Variants in INSRR observed in about 807,000 individuals in gnomAD.
INSRR encodes the protein insulin receptor related receptor.
Under a neutral mutation model 130.0 loss-of-function variants are expected in INSRR, and 114 were observed. That is an observed-to-expected ratio of 0.88 (90% CI 0.75 to 1.02). The LOEUF (loss-of-function observed/expected upper bound fraction) is 1.02. Ranked by LOEUF, INSRR falls within the 50% of genes least tolerant of loss-of-function variation. The probability of loss-of-function intolerance (pLI) is 0.00; values close to 1 mark genes in which losing one functional copy is unlikely to be tolerated. For synonymous variants in INSRR, 674 were observed against 705.2 expected (o/e 0.96, Z 0.70); for missense variants, 1,657 against 1,735.2 (o/e 0.95, Z 0.80).
intron 9 of INSRR, 67 bp downstream of exon 9, chr1:156,845,885 G>A: frequency 6.3e-7 from 1 of 1,598,162 alleles, no homozygotes; most frequent in Non-Finnish European, 8.5e-7. Context: ...CACCTGCCGG[G>A]GCCCTGCGCC....
Position 156,849,445 on chromosome 1 carries a change from G to C in INSRR, c.1245C>G (p.Tyr415Ter). The change falls in exon 6 of 22, where the codon TAC becomes TAG. Residue 415 changes from tyrosine to a stop codon, truncating the protein, a stop_gained. Transcript: ENST00000368195. LOFTEE classifies it high-confidence loss of function. ...DAMVDGNYTLYVLDNQNLQQL... is the reference protein window; with the variant it reads ...DAMVDGNYTL ...GTTGTAGGTTCTGGTTGTCCAGCAC[G>C]TAGAGAGTGTAGTTCCTGGGGGAGG... 2 of 1,401,332 alleles carry C rather than the reference G, an allele frequency of 1.4e-6. No homozygotes were observed. The highest frequency in any genetic ancestry group is 2.3e-5 in the South Asian group (2 of 88,596). The allele number at this position is 1,401,332 out of a possible 1,614,324, so 86.8% of individuals were successfully genotyped here.
At chr1:156,853,644 A>G (rs1378891567) in intron 2 of INSRR, 108 bp downstream of exon 2, 2 of 1,135,994 alleles carry the variant, frequency 1.8e-6, no homozygotes, top group African/African-American at 1.6e-5. Flanking sequence ...TGAGGATTAA[A>G]AAACAGTGGC....
chr1:156,855,761 G>C (rs1655387146), intron 1 of INSRR, among the ~76,000 whole-genome samples: 1 of 152,114 alleles, frequency 6.6e-6, no homozygotes, highest in South Asian at 2.1e-4. Context: ...GAAGGTCAAG[G>C]CTGCAGTGAG....
At chr1:156,842,563 C>G in intron 17 of INSRR, 55 bp from the exon 18 acceptor site, 1 of 1,391,226 alleles carries the variant, frequency 7.2e-7, no homozygotes, top group Non-Finnish European at 1.0e-6. Context: ...CCCATTTGGC[C>G]AAAATTCTGA....
At position 156,841,104 on chromosome 1, in the gene INSRR, C is replaced by T. The variant is rs943100524; in HGVS notation, c.3663G>A (p.Leu1221=). ...GCCAGCAGCGGCTCATCAGCTCCTG[C>T]CTGGTGGGTGTGGGGAGCAGGGTCA... ...LEELEGCPLQ[L]QELMSRCWQP... Residue 1221 remains leucine, a splice_region_variant and synonymous_variant, in exon 22 of 22, where the codon CTG becomes CTA. Coordinates refer to ENST00000368195, the MANE Select transcript of INSRR (RefSeq NM_014215.3). 3.9e-6 allele frequency: 6 copies of T among 1,556,452 alleles called. No individual in the cohort carries two copies. The highest frequency in any genetic ancestry group is 1.2e-5 in the South Asian group (1 of 84,816).
At chr1:156,853,334 A>G (rs1015985580) in intron 2 of INSRR, among the ~76,000 whole-genome samples, 7 of 152,146 alleles carry the variant, frequency 4.6e-5, no homozygotes, top group African/African-American at 9.7e-5. Flanking sequence ...ATGACACCCA[A>G]TGATCATTTT....
At position 156,842,199 on chromosome 1, in the gene INSRR, C is replaced by A. The variant is rs200688061; in HGVS notation, c.3310G>T (p.Ala1104Ser). Residue 1104 changes from alanine to serine, a missense_variant, in exon 19 of 22, where the codon GCC becomes TCC. Coordinates refer to ENST00000368195, the MANE Select transcript of INSRR (RefSeq NM_014215.3). ...ACAAACTTGTTGGCAGCAAGGTAGG[C>A]CATGCCGTCTGCAATCTCACCAGCC... is the stretch of plus-strand genomic sequence containing the variant. ...QMAGEIADGMAYLAANKFVHR... is the reference protein window; with the variant it reads ...QMAGEIADGMSYLAANKFVHR... 1 of 1,614,076 alleles carries A rather than the reference C, an allele frequency of 6.2e-7. No homozygotes were observed. The highest frequency in any genetic ancestry group is 8.5e-7 in the Non-Finnish European group (1 of 1,180,004).
At position 156,844,284 on chromosome 1, in the gene INSRR, G is replaced by T; in HGVS notation, c.2738-4C>A. On this transcript the variant is annotated splice_polypyrimidine_tract_variant and splice_region_variant and intron_variant, in intron 14 of 21. Transcript: ENST00000368195. ...AGCCCCCCAGCATCCTCCTCCTCTGGCAGTCAGAGGGCAGCAGAGGGTAGA... is the reference window on the plus strand; with the variant it reads ...AGCCCCCCAGCATCCTCCTCCTCTGTCAGTCAGAGGGCAGCAGAGGGTAGA... 1.2e-6 allele frequency: 2 copies of T among 1,606,628 alleles called. No individual in the cohort carries two copies. The highest frequency in any genetic ancestry group is 1.7e-6 in the Non-Finnish European group (2 of 1,173,810).
chr1:156,849,034 G>C lies in INSRR; in HGVS notation c.1458C>G (p.Thr486=), dbSNP rs149673909. ...CCGTCACGTTGGACACGAAGCGCAGGGTGCGAGTCTGGCCTGGGTGGGGCG... is the reference window on the plus strand; with the variant it reads ...CCGTCACGTTGGACACGAAGCGCAGCGTGCGAGTCTGGCCTGGGTGGGGCG... ...NGDRAACQTR[T]LRFVSNVTEA... The change falls in exon 7 of 22, where the codon ACC becomes ACG. Residue 486 remains threonine (T), a synonymous_variant. Transcript: ENST00000368195. 2 of 1,613,378 alleles carry C rather than the reference G, an allele frequency of 1.2e-6. No homozygotes were observed. Among genetic ancestry groups the C allele is most frequent in the Non-Finnish European group, 1.7e-6 (2 of 1,179,898 alleles).
chr1:156,845,544 C>T, intron 10 of INSRR, 75 bp downstream of exon 10: 1 of 1,325,414 alleles, frequency 7.5e-7, no homozygotes, highest in Non-Finnish European at 1.0e-6. Context: ...CCCACAAACC[C>T]CACCCCTCCC....
intron 9 of INSRR, 26 bp from the exon 10 acceptor site, chr1:156,845,840 G>C: frequency 6.2e-7 from 1 of 1,605,904 alleles, no homozygotes; most frequent in Non-Finnish European, 8.5e-7. Flanking sequence ...GAAGACACTA[G>C]TAAGACAGGC....
rs764344570 is a variant in INSRR at position 156,846,104 on chromosome 1, TGGGGCACCGTG to T, written c.1815_1825del (p.Thr606ArgfsTer46). The T allele has an allele frequency of 1.2e-6, 2 of 1,600,396 alleles. No individual in the cohort carries two copies. The highest frequency in any genetic ancestry group is 1.7e-6 in the Non-Finnish European group (2 of 1,173,130). ...GGAGTTGGACGTGGAGATGACGTCT[TGGGGCACCGTG>T]GGAGCTAGGAGTGCGAGAAGGATGC... On this transcript the variant is annotated frameshift_variant, in exon 9 of 22. Transcript: ENST00000368195. LOFTEE classifies it high-confidence loss of function.
At chr1:156,857,157 C>CTGTGTGTG (rs1327364524) in intron 1 of INSRR, among the ~76,000 whole-genome samples, 1 of 121,286 alleles carries the variant, frequency 8.2e-6, no homozygotes, top group African/African-American at 3.3e-5. Context: ...TGCCCAGCAG[C>CTGTGTGTG]TGTGTATGTG....
At chr1:156,857,133 C>T (rs1282973035) in intron 1 of INSRR, among the ~76,000 whole-genome samples, 1 of 149,216 alleles carries the variant, frequency 6.7e-6, no homozygotes, top group African/African-American at 2.5e-5. Context: ...CATTAATGGT[C>T]CTGAGCTTGG....
chr1:156,844,401 T>C (rs1218328005), intron 14 of INSRR, 61 bp downstream of exon 14: 3 of 1,581,104 alleles, frequency 1.9e-6, no homozygotes, highest in Admixed American at 1.7e-5. Context: ...GGGCCTGTGG[T>C]GGGCTGGGGA....
rs780680844 is a variant in INSRR at position 156,845,728 on chromosome 1, G to A, written c.2065C>T (p.Pro689Ser). Residue 689 changes from proline (P) to serine (S), a missense_variant, in exon 10 of 22, where the codon CCT becomes TCT. Pro to Ser is a moderately conservative substitution (Grantham distance 74, BLOSUM62 -1). Coordinates refer to ENST00000368195, the MANE Select transcript of INSRR (RefSeq NM_014215.3). Reference protein sequence around the residue: ...PEAEMESDCCPCQHPPPGQVL... With the variant: ...PEAEMESDCCSCQHPPPGQVL... ...TGACCAGGAGGTGGGTGCTGGCAAG[G>A]GCAGCAGTCGGACTCCATCTCGGCC... 1 of 1,613,854 alleles carries A rather than the reference G, an allele frequency of 6.2e-7. No homozygotes were observed. The highest frequency in any genetic ancestry group is 8.5e-7 in the Non-Finnish European group (1 of 1,179,966).
Position 156,848,910 on chromosome 1 carries a change from C to T in INSRR, c.1571+11G>A, listed in dbSNP as rs767637947. On this transcript the variant is annotated intron_variant, in intron 7 of 21. Coordinates refer to ENST00000368195, the MANE Select transcript of INSRR (RefSeq NM_014215.3). ...TCCCGCCCCCGCTCCGGCCCCGCCC[C>T]CGGCACTCACGACTCCTTGTAGTAC... 8.3e-6 allele frequency: 13 copies of T among 1,559,174 alleles called. No individual in the cohort carries two copies. The highest frequency in any genetic ancestry group is 1.0e-5 in the Non-Finnish European group (12 of 1,151,676).
chr1:156,843,003 C>T lies in INSRR; in HGVS notation c.3126+1G>A. On this transcript the variant is annotated splice_donor_variant, in intron 17 of 21. Coordinates refer to ENST00000368195, the MANE Select transcript of INSRR (RefSeq NM_014215.3). LOFTEE classifies it high-confidence loss of function. ...TGACAATGCCCTTGGCTCTCCCTTACCACATGGTGACACTTGAAGGCTTTC... is the reference window on the plus strand; with the variant it reads ...TGACAATGCCCTTGGCTCTCCCTTATCACATGGTGACACTTGAAGGCTTTC... 5 of 1,610,392 alleles carry T rather than the reference C, an allele frequency of 3.1e-6. No individual in the cohort carries two copies. Among genetic ancestry groups the T allele is most frequent in the Non-Finnish European group, 3.4e-6 (4 of 1,176,768 alleles).
At chr1:156,848,102 TCTCCAGCTG>T (rs146042529) in intron 7 of INSRR, among the ~76,000 whole-genome samples, 3,466 of 152,062 alleles carry the variant, frequency 0.023, 151 homozygotes, top group African/African-American at 0.079. Flanking sequence ...TTTAACAAAC[TCTCCAGCTG>T]CCCACGCTGG....
Sources: allele counts gnomAD v4.1 joint callset (sites outside exome capture counted in the v4.1 genomes callset), GRCh38; gene constraint gnomAD v4.1.1; transcripts MANE v1.5; gene names NCBI Gene and HGNC (gene_info 2026-07-23, HGNC 2026-07-21).